The following IQCJ variants were observed in gnomAD, a reference collection of about 807,000 sequenced individuals.
IQCJ encodes IQ domain-containing protein J.
IQCJ carries 9 observed loss-of-function variants against 11.0 expected under a neutral mutation model. The observed-to-expected ratio is 0.82, with a 90% CI of 0.49 to 1.43. IQCJ has a LOEUF of 1.43. IQCJ is among the 40% of genes most tolerant of loss of function. IQCJ has a pLI of 0.00. For missense variants in IQCJ, 146 were observed against 133.2 expected (o/e 1.10, Z -0.47); for synonymous variants, 55 against 51.3 (o/e 1.07, Z -0.31).
At chr3:159,204,102 C>A (rs1724512896) in intron 1 of IQCJ, among the ~76,000 whole-genome samples, 1 of 152,162 alleles carries the variant, frequency 6.6e-6, no homozygotes, top group South Asian at 2.1e-4. Flanking sequence ...GGCTGGACTC[C>A]ATTTATGAGG....
In IQCJ at chr3:159,116,638, A is replaced by G. The variant is rs1197627793; in HGVS notation, c.9+47197A>G. 2.4e-4 allele frequency among the ~76,000 whole-genome samples: 8 copies of G among 32,826 alleles called. 1 individual carries two copies. Among genetic ancestry groups the G allele is most frequent in the Admixed American group, 6.4e-4 (2 of 3,136 alleles). 21.5% of individuals were successfully genotyped at this position (32,826 alleles called of 152,430 possible). On this transcript the variant is annotated intron_variant, in intron 1 of 3. Transcript: ENST00000397832. ...TGTATATATATATATATATATATATATATATATATATATATATATATATAT... is the reference window on the plus strand; with the variant it reads ...TGTATATATATATATATATATATATGTATATATATATATATATATATATAT...
At chr3:159,256,815 G>A (rs1727923655) in intron 3 of IQCJ, among the ~76,000 whole-genome samples, 1 of 152,200 alleles carries the variant, frequency 6.6e-6, no homozygotes, top group Non-Finnish European at 1.5e-5. Context: ...TGACTTCAAA[G>A]TATTTGAAAA....
At chr3:159,157,602 C>T (rs1721598638) in intron 1 of IQCJ, among the ~76,000 whole-genome samples, 1 of 151,986 alleles carries the variant, frequency 6.6e-6, no homozygotes, top group African/African-American at 2.4e-5. Context: ...TTAATATATA[C>T]CTATAGGTAT....
chr3:159,246,144 G>A (rs191716002), intron 2 of IQCJ, among the ~76,000 whole-genome samples: 3 of 152,292 alleles, frequency 2.0e-5, no homozygotes, highest in East Asian at 3.9e-4. Flanking sequence ...GATGTTTCTG[G>A]TGGTATGTCT....
At chr3:159,165,164 C>T (rs1722094917) in intron 1 of IQCJ, among the ~76,000 whole-genome samples, 1 of 152,214 alleles carries the variant, frequency 6.6e-6, no homozygotes, top group Admixed American at 6.5e-5. Flanking sequence ...ACACAAACTA[C>T]TTAGTTACCT....
chr3:159,091,276 C>T (rs1257571495), intron 1 of IQCJ, among the ~76,000 whole-genome samples: 2 of 151,744 alleles, frequency 1.3e-5, no homozygotes, highest in Admixed American at 6.5e-5. Context: ...GTATTAACAA[C>T]AAAAATTATT....
chr3:159,166,849 C>T (rs1722193265), intron 1 of IQCJ, among the ~76,000 whole-genome samples: 2 of 152,174 alleles, frequency 1.3e-5, no homozygotes, highest in South Asian at 2.1e-4. Context: ...TGTGCTCCCT[C>T]AGCAAGTCTT....
At chr3:159,233,825 G>T (rs1204373136) in intron 1 of IQCJ, among the ~76,000 whole-genome samples, 1 of 152,118 alleles carries the variant, frequency 6.6e-6, no homozygotes, top group East Asian at 1.9e-4. Flanking sequence ...CTTTAAATAT[G>T]TTATTTTAGT....
At chr3:159,081,826 A>G (rs1716333164) in intron 1 of IQCJ, among the ~76,000 whole-genome samples, 1 of 152,162 alleles carries the variant, frequency 6.6e-6, no homozygotes. Context: ...TTAAACAAAA[A>G]AGAGTATTGT....
At chr3:159,085,909 C>T (rs1716723038) in intron 1 of IQCJ, among the ~76,000 whole-genome samples, 1 of 150,900 alleles carries the variant, frequency 6.6e-6, no homozygotes, top group African/African-American at 2.4e-5. Flanking sequence ...TGTGCAGAAG[C>T]TCTTTAGTTT....
At chr3:159,256,087 A>G (rs1727880508) in intron 3 of IQCJ, among the ~76,000 whole-genome samples, 1 of 152,186 alleles carries the variant, frequency 6.6e-6, no homozygotes, top group African/African-American at 2.4e-5. Flanking sequence ...CACTCTTTTC[A>G]TGTTGTAGCA....
At chr3:159,171,232 T>C (rs1319910029) in intron 1 of IQCJ, among the ~76,000 whole-genome samples, 1 of 152,154 alleles carries the variant, frequency 6.6e-6, no homozygotes, top group Admixed American at 6.6e-5. Flanking sequence ...TCTAAATCTA[T>C]ATTTATCTGT....
chr3:159,240,779 GA>G (rs557478873), intron 1 of IQCJ, among the ~76,000 whole-genome samples: 19 of 152,156 alleles, frequency 1.2e-4, no homozygotes, highest in Non-Finnish European at 2.5e-4. Flanking sequence ...TTTTAGTAGA[GA>G]GGGGGTTTCA....
chr3:159,129,866 C>T (rs1194171848), intron 1 of IQCJ, among the ~76,000 whole-genome samples: 2 of 152,112 alleles, frequency 1.3e-5, no homozygotes, highest in African/African-American at 2.4e-5. Context: ...AGGAAACTGA[C>T]ATTGATAAAA....
chr3:159,194,828 C>T (rs1374316697), intron 1 of IQCJ, among the ~76,000 whole-genome samples: 2 of 152,156 alleles, frequency 1.3e-5, no homozygotes, highest in African/African-American at 2.4e-5. Context: ...AATTCTGTAT[C>T]ACGACTGGGT....
intron 1 of IQCJ, among the ~76,000 whole-genome samples, chr3:159,134,713 A>G (rs1720189661): frequency 6.6e-6 from 1 of 152,202 alleles, no homozygotes; most frequent in Admixed American, 6.5e-5. Context: ...CTGTCCATAC[A>G]GAAGACCAGC....
chr3:159,244,841 A>AT (rs1727151754), intron 1 of IQCJ, among the ~76,000 whole-genome samples: 1 of 152,164 alleles, frequency 6.6e-6, no homozygotes, highest in African/African-American at 2.4e-5. Flanking sequence ...TTGAATAATT[A>AT]TTTCTAACTG....
intron 1 of IQCJ, among the ~76,000 whole-genome samples, chr3:159,118,765 C>T (rs554239202): frequency 1.4e-3 from 210 of 152,324 alleles, no homozygotes; most frequent in African/African-American, 4.9e-3. Context: ...CCTGGCATAT[C>T]TTGTTAGTAA....
At chr3:159,252,172 G>A (rs1012512888) in intron 2 of IQCJ, among the ~76,000 whole-genome samples, 1 of 152,104 alleles carries the variant, frequency 6.6e-6, no homozygotes, top group Admixed American at 6.5e-5. Context: ...TCTCCATGAA[G>A]CCCTTCTTGA....
Sources: allele counts gnomAD v4.1 joint callset (sites outside exome capture counted in the v4.1 genomes callset), GRCh38; gene constraint gnomAD v4.1.1; transcripts MANE v1.5; gene names NCBI Gene and HGNC (gene_info 2026-07-23, HGNC 2026-07-21).